The following ZSCAN18 variants were observed in gnomAD, a reference collection of about 807,000 sequenced individuals.
ZSCAN18 encodes zinc finger and SCAN domain-containing protein 18.
A neutral mutation model predicts 31.1 loss-of-function variants in ZSCAN18; 16 were observed. The observed-to-expected ratio is 0.51, with a 90% confidence interval of 0.35 to 0.78. ZSCAN18 has a LOEUF of 0.78. Among genes scored for constraint, ZSCAN18 ranks in the 30% least tolerant of loss-of-function variants. The pLI is 0.01. For synonymous variants in ZSCAN18, 375 were observed against 320.7 expected (o/e 1.17, Z -1.81); for missense variants, 731 against 697.4 (o/e 1.05, Z -0.54).
intron 1 of ZSCAN18, among the ~76,000 whole-genome samples, chr19:58,116,385 G>C (rs968154849): frequency 6.6e-6 from 1 of 151,510 alleles, no homozygotes; most frequent in South Asian, 2.1e-4. Context: ...CCTGTTCTAG[G>C]TATCAATAAT....
chr19:58,115,528 G>T (rs2074722679), intron 1 of ZSCAN18, among the ~76,000 whole-genome samples: 2 of 152,182 alleles, frequency 1.3e-5, no homozygotes, highest in South Asian at 4.1e-4. Flanking sequence ...GTCAACGTGT[G>T]TATATAACTT....
chr19:58,114,539 T>C (rs946399357), intron 1 of ZSCAN18, among the ~76,000 whole-genome samples: 14 of 151,978 alleles, frequency 9.2e-5, no homozygotes, highest in African/African-American at 3.4e-4. Context: ...CAGATAAATA[T>C]ACAAATGTAC....
chr19:58,086,300 C>T, intron 5 of ZSCAN18, 34 bp from the exon 6 acceptor site: 1 of 1,600,074 alleles, frequency 6.2e-7, no homozygotes, highest in Non-Finnish European at 8.6e-7. Flanking sequence ...AAATAAAAGG[C>T]ATCAACACAG....
chr19:58,088,758 C>A lies in ZSCAN18; in HGVS notation c.483G>T (p.Leu161=), dbSNP rs769509423. 6.2e-7 allele frequency: 1 copy of A among 1,610,050 alleles called. No individual in the cohort carries two copies. Among genetic ancestry groups the A allele is most frequent in the Non-Finnish European group, 8.5e-7 (1 of 1,179,980 alleles). ...TGGGGCTCGCGAGCTCGCCTGGTAG[C>A]AGCAGAGGGTCCATGTGCCTCTCGT... ...GVYERHMDPL[L]LPGELASPSQ... The change falls in exon 3 of 7, where the codon CTG becomes CTT. Residue 161 remains leucine (L), a synonymous_variant. Transcript: ENST00000601144.
At chr19:58,093,594 G>A (rs999637389) in intron 1 of ZSCAN18, among the ~76,000 whole-genome samples, 14 of 152,098 alleles carry the variant, frequency 9.2e-5, no homozygotes, top group African/African-American at 2.7e-4. Flanking sequence ...CTCTGAGGGC[G>A]GGTAAACTGC....
intron 1 of ZSCAN18, among the ~76,000 whole-genome samples, chr19:58,114,007 C>T (rs775725210): frequency 6.6e-6 from 1 of 151,058 alleles, no homozygotes; most frequent in Non-Finnish European, 1.5e-5. Flanking sequence ...TGGTGGCTCG[C>T]GCCTGTAATC....
intron 1 of ZSCAN18, among the ~76,000 whole-genome samples, chr19:58,114,795 A>G (rs79684119): frequency 0.021 from 3,149 of 152,292 alleles, 105 homozygotes; most frequent in African/African-American, 0.071. Context: ...CTTTTCTGTT[A>G]GAGTATTTCA....
chr19:58,118,399 G>A, upstream of ZSCAN18: 3 of 1,512,932 alleles, frequency 2.0e-6, no homozygotes, highest in Non-Finnish European at 2.7e-6. Flanking sequence ...CTCCGCATGG[G>A]CGCGCAGAGT....
chr19:58,102,490 A>C (rs12974895), upstream of ZSCAN18, among the ~76,000 whole-genome samples: 36,800 of 148,250 alleles, frequency 0.25, 5,229 homozygotes, highest in South Asian at 0.35. Context: ...ACAAACAAAC[A>C]AACCATATAC....
intron 1 of ZSCAN18, among the ~76,000 whole-genome samples, chr19:58,096,013 C>A (rs931961422): frequency 1.3e-5 from 2 of 152,220 alleles, no homozygotes; most frequent in African/African-American, 2.4e-5. Flanking sequence ...AAATCTCTGG[C>A]CCTGTGTCTT....
intron 1 of ZSCAN18, among the ~76,000 whole-genome samples, chr19:58,096,972 C>T (rs1216710098): frequency 2.0e-5 from 3 of 152,078 alleles, no homozygotes; most frequent in African/African-American, 7.2e-5. Context: ...AAACCCGAGG[C>T]CAGAAATACC....
intron 1 of ZSCAN18, among the ~76,000 whole-genome samples, chr19:58,118,061 C>T (rs891150646): frequency 1.3e-5 from 2 of 152,022 alleles, no homozygotes; most frequent in African/African-American, 4.8e-5. Flanking sequence ...ATGCGCGTAC[C>T]AGCCCCGCAC....
Position 58,085,521 on chromosome 19 carries a change from C to T in ZSCAN18, c.839-142G>A, listed in dbSNP as rs1214492175. The stretch of plus-strand genomic sequence containing the variant: ...GGGGCTCACGGCTGTTTGGAAGCAG[C>T]GCTGTCCCTCCCAGGCAGCCCTGCA... On this transcript the variant is annotated intron_variant, in intron 6 of 6. Transcript: ENST00000601144. 7 of 716,022 alleles carry T rather than the reference C, an allele frequency of 9.8e-6. No homozygotes were observed. The East Asian group carries it at 1.8e-4, about 18-fold the overall frequency. The allele number at this position is 716,022 out of a possible 1,614,324, so 44.4% of individuals were successfully genotyped here. A position where few individuals can be genotyped will look rare whatever the true frequency, so the allele number is the denominator to read the frequency against.
intron 1 of ZSCAN18, among the ~76,000 whole-genome samples, chr19:58,115,709 C>A (rs1464848585): frequency 6.6e-6 from 1 of 152,214 alleles, no homozygotes; most frequent in Admixed American, 6.5e-5. Flanking sequence ...TCCACACTGG[C>A]ATCCTTTTTA....
Position 58,106,979 on chromosome 19 carries a change from T to G in ZSCAN18, c.130+11288A>C, listed in dbSNP as rs561767563. Among the ~76,000 whole-genome samples the G allele has an allele frequency of 4.0e-5, 6 of 151,656 alleles. No homozygotes were observed. In the South Asian group the frequency reaches 6.3e-4, roughly 16 times the overall value. On this transcript the variant is annotated intron_variant, in intron 1 of 1. Coordinates refer to the ZSCAN18 transcript ENST00000595721. ...GAGGTTTCAGCATGTTGGTCAGGCT[T>G]GTCTCGAAATCCTGACCTCGTGATC...
chr19:58,105,416 C>G (rs1474079769), intron 1 of ZSCAN18, among the ~76,000 whole-genome samples: 1 of 152,218 alleles, frequency 6.6e-6, no homozygotes, highest in African/African-American at 2.4e-5. Flanking sequence ...AATCCCAGCA[C>G]TTTGGGAGGC....
At chr19:58,102,454 C>G (rs777236391), upstream of ZSCAN18, among the ~76,000 whole-genome samples, 28 of 150,406 alleles carry the variant, frequency 1.9e-4, no homozygotes, top group Non-Finnish European at 3.4e-4. Context: ...GAGCAAGACT[C>G]CATCTCAAAA....
rs2074555591 is a variant in ZSCAN18 at position 58,098,085 on chromosome 19, C to T, written c.-120+89G>A. Reference sequence around the variant, plus strand: ...ACCCCGGGAACACCCTGGCCCCTTTCCCTAACGCTGCCCACTGAGGCGTCC... The same window carrying T: ...ACCCCGGGAACACCCTGGCCCCTTTTCCTAACGCTGCCCACTGAGGCGTCC... On this transcript the variant is annotated intron_variant, in intron 1 of 6. Transcript: ENST00000601144. The T allele has an allele frequency of 1.6e-5, 16 of 985,456 alleles. 1 individual carries two copies. In the South Asian group the frequency reaches 7.5e-4, roughly 46 times the overall value. The allele number at this position is 985,456 out of a possible 1,614,324, so 61.0% of individuals were successfully genotyped here. A position where few individuals can be genotyped will look rare whatever the true frequency, so the allele number is the denominator to read the frequency against.
At chr19:58,103,382 G>C (rs10853902) in intron 1 of ZSCAN18, among the ~76,000 whole-genome samples, 85,315 of 151,980 alleles carry the variant, frequency 0.56, 25,862 homozygotes, top group Non-Finnish European at 0.68. Flanking sequence ...TAAGTCTATT[G>C]TCACCATTTA....
Sources: allele counts gnomAD v4.1 joint callset (sites outside exome capture counted in the v4.1 genomes callset), GRCh38; gene constraint gnomAD v4.1.1; transcripts MANE v1.5; gene names NCBI Gene and HGNC (gene_info 2026-07-23, HGNC 2026-07-21).